The following DNMT3A variants were observed in gnomAD, a reference collection of about 807,000 sequenced individuals.
DNMT3A encodes the protein DNA methyltransferase 3 alpha, also known as DNA (cytosine-5)-methyltransferase 3A.
DNMT3A carries 267 observed loss-of-function variants against 117.6 expected under a neutral mutation model. The observed-to-expected ratio is 2.27, with a 90% confidence interval of 2.05 to 2.51. The LOEUF (loss-of-function observed/expected upper bound fraction) is 2.51, where lower values mean the gene tolerates loss of function less well. Among genes scored for constraint, DNMT3A ranks in the 30% most tolerant of loss-of-function variants. DNMT3A has a pLI of 0.00. For missense variants in DNMT3A, 1,029 were observed against 1,260.2 expected (o/e 0.82, Z 2.78); for synonymous variants, 432 against 474.8 (o/e 0.91, Z 1.17).
intron 1 of DNMT3A, among the ~76,000 whole-genome samples, chr2:25,326,356 A>T (rs1328818419): frequency 6.6e-6 from 1 of 152,180 alleles, no homozygotes; most frequent in East Asian, 1.9e-4. Flanking sequence ...TGAGAATTTC[A>T]TAAGAAGGAT....
chr2:25,286,775 A>G lies in DNMT3A; in HGVS notation c.178-4064T>C, dbSNP rs1338137007. Among the ~76,000 whole-genome samples, 1 of 152,200 alleles carries G rather than the reference A, an allele frequency of 6.6e-6. No homozygotes were observed. The highest frequency in any genetic ancestry group is 1.5e-5 in the Non-Finnish European group (1 of 68,022). On this transcript the variant is annotated intron_variant, in intron 3 of 22. Transcript: ENST00000321117. The surrounding 1 kb of genome is among the most constrained non-coding windows in gnomAD (Gnocchi z 4.3). The stretch of plus-strand genomic sequence containing the variant: ...CTCACTGAAGGAGCCATCCCTGGTG[A>G]GAAGGGCAGAAACCTCAGCCTGGAA...
intron 1 of DNMT3A, among the ~76,000 whole-genome samples, chr2:25,319,930 C>T (rs2034531701): frequency 6.6e-6 from 1 of 152,136 alleles, no homozygotes; most frequent in South Asian, 2.1e-4. Context: ...CCGCCATGCC[C>T]GGCTAATTTT....
At position 25,231,024 on chromosome 2, in the gene DNMT3A, G is replaced by T; in HGVS notation, c.*3255C>A. ...CACCAACCCTTTGGTTGGAGCACCA[G>T]GCCCAGTTCCGGTGGAGCTTGGGCC... On this transcript the variant is annotated 3_prime_UTR_variant, in exon 23 of 23. Coordinates refer to ENST00000321117, the MANE Select transcript of DNMT3A (RefSeq NM_022552.5). 6.6e-6 allele frequency: 1 copy of T among 152,290 alleles called. No homozygotes were observed. Among genetic ancestry groups the T allele is most frequent in the Non-Finnish European group, 1.5e-5 (1 of 68,092 alleles). 9.4% of individuals were successfully genotyped at this position (152,290 alleles called of 1,614,324 possible).
chr2:25,302,554 T>C (rs1347512969), intron 2 of DNMT3A, among the ~76,000 whole-genome samples: 2 of 151,830 alleles, frequency 1.3e-5, no homozygotes, highest in Non-Finnish European at 2.9e-5. Flanking sequence ...AGACGGGCGG[T>C]GAGGGCAGAA....
intron 3 of DNMT3A, among the ~76,000 whole-genome samples, chr2:25,287,596 T>A (rs891814276): frequency 6.6e-6 from 1 of 152,144 alleles, no homozygotes; most frequent in Non-Finnish European, 1.5e-5. Flanking sequence ...TGGGGCGATT[T>A]TGCTAACTCC....
At chr2:25,262,439 G>A (rs1273173938) in intron 6 of DNMT3A, among the ~76,000 whole-genome samples, 1 of 152,106 alleles carries the variant, frequency 6.6e-6, no homozygotes, top group Non-Finnish European at 1.5e-5. Context: ...AAAGTTCACT[G>A]TATCATCCTG....
intron 1 of DNMT3A, among the ~76,000 whole-genome samples, chr2:25,316,982 T>C (rs1199976838): frequency 1.3e-5 from 2 of 152,224 alleles, no homozygotes; most frequent in Non-Finnish European, 2.9e-5. Flanking sequence ...ATAAAACTGT[T>C]GTGGAAAAAG....
At chr2:25,284,586 G>T (rs1475823023) in intron 3 of DNMT3A, among the ~76,000 whole-genome samples, 1 of 134,036 alleles carries the variant, frequency 7.5e-6, no homozygotes, top group African/African-American at 2.9e-5. Flanking sequence ...GGTAGAGGTT[G>T]CAGTGAGCTG....
Position 25,241,682 on chromosome 2 carries a change from G to GC in DNMT3A, c.1961dup (p.Ile655HisfsTer13). ...AGGCAATGTAGCGGTCCACCTGAAT[G>GC]CCCAAGTCCTTCAGCACCAGGAGCC... On this transcript the variant is annotated frameshift_variant, in exon 17 of 23. Transcript: ENST00000321117. LOFTEE classifies it high-confidence loss of function. 6.2e-7 allele frequency: 1 copy of GC among 1,614,010 alleles called. No homozygotes were observed. The highest frequency in any genetic ancestry group is 8.5e-7 in the Non-Finnish European group (1 of 1,179,966).
chr2:25,234,234 G>T lies in DNMT3A; in HGVS notation c.*45C>A, dbSNP rs1311506481. ...TTATTATGTTTTGTGTTTTTTGTTT[G>T]TTTGTTTAACTTTGTGTCGCTACCT... On this transcript the variant is annotated 3_prime_UTR_variant, in exon 23 of 23. Coordinates refer to ENST00000321117, the MANE Select transcript of DNMT3A (RefSeq NM_022552.5). This position sits in a 1 kb window ranked among gnomAD's most constrained non-coding sequence, Gnocchi z 4.5. The T allele has an allele frequency of 9.6e-6, 15 of 1,562,694 alleles. No individual in the cohort carries two copies. In the Admixed American group the frequency reaches 1.3e-4, roughly 13 times the overall value.
At chr2:25,273,312 A>C (rs2031102103) in intron 6 of DNMT3A, among the ~76,000 whole-genome samples, 1 of 152,056 alleles carries the variant, frequency 6.6e-6, no homozygotes. Flanking sequence ...GGGGTTCACC[A>C]AGCTAGCCAG....
intron 1 of DNMT3A, among the ~76,000 whole-genome samples, chr2:25,321,848 C>T (rs2034610155): frequency 6.6e-6 from 1 of 152,138 alleles, no homozygotes; most frequent in South Asian, 2.1e-4. Flanking sequence ...ATTGTGCCAC[C>T]ACACTCCAGC....
At chr2:25,308,910 A>T (rs6546070) in intron 2 of DNMT3A, among the ~76,000 whole-genome samples, 1 of 151,530 alleles carries the variant, frequency 6.6e-6, no homozygotes, top group Non-Finnish European at 1.5e-5. Flanking sequence ...CCTCTGGGCC[A>T]GACTTTGATG....
chr2:25,330,210 C>G (rs1435557117), intron 1 of DNMT3A, among the ~76,000 whole-genome samples: 4 of 152,230 alleles, frequency 2.6e-5, no homozygotes, highest in African/African-American at 9.6e-5. Flanking sequence ...ATTAATTATG[C>G]TGTACATTTC....
At position 25,300,247 on chromosome 2, in the gene DNMT3A, C is replaced by G; in HGVS notation, c.73-4G>C. The G allele has an allele frequency of 6.2e-7, 1 of 1,604,768 alleles. No individual in the cohort carries two copies. Among genetic ancestry groups the G allele is most frequent in the Admixed American group, 1.7e-5 (1 of 59,982 alleles). ...GCTCCTCCTGCTCCTCTCCGTCCTG[C>G]AGGCACAGACACAGCCTGTGAGGCC... is the stretch of plus-strand genomic sequence containing the variant. On this transcript the variant is annotated splice_region_variant and splice_polypyrimidine_tract_variant and intron_variant, in intron 2 of 22. Transcript: ENST00000321117.
At position 25,235,197 on chromosome 2, in the gene DNMT3A, T is replaced by C. The variant is rs553206931; in HGVS notation, c.2597+510A>G. ...TCCTAGACTCCTCTTTTTTTTTTTT[T>C]TCCCTTTGAGATGGAATCTCTCTGT... On this transcript the variant is annotated intron_variant, in intron 22 of 22. Transcript: ENST00000321117. 3.2e-3 allele frequency among the ~76,000 whole-genome samples: 488 copies of C among 151,554 alleles called. 4 individuals are homozygous for C. Among genetic ancestry groups the C allele is most frequent in the African/African-American group, 0.011 (439 of 41,408 alleles).
chr2:25,241,978 AG>A (rs1558662066), intron 16 of DNMT3A: 1 of 468,582 alleles, frequency 2.1e-6, no homozygotes, highest in South Asian at 3.0e-5. Flanking sequence ...TCCAGGATCC[AG>A]GAAGAATCAC....
intron 1 of DNMT3A, among the ~76,000 whole-genome samples, chr2:25,331,126 G>A (rs1214026113): frequency 6.6e-6 from 1 of 152,186 alleles, no homozygotes; most frequent in Non-Finnish European, 1.5e-5. Flanking sequence ...TTTTACAGAT[G>A]GTAAAACTGA....
At position 25,240,422 on chromosome 2, in the gene DNMT3A, G is replaced by GAACTCAAAGA; in HGVS notation, c.2192_2201dup (p.Tyr735LeufsTer2). 6.2e-7 allele frequency: 1 copy of GAACTCAAAGA among 1,612,110 alleles called. No individual in the cohort carries two copies. Among genetic ancestry groups the GAACTCAAAGA allele is most frequent in the Non-Finnish European group, 8.5e-7 (1 of 1,179,092 alleles). On this transcript the variant is annotated stop_gained and frameshift_variant, in exon 19 of 23. Transcript: ENST00000321117. LOFTEE classifies it high-confidence loss of function. ...GCCGCGCATCATGCAGGAGGCGGTA[G>GAACTCAAAGA]AACTCAAAGAAGAGCCGGCCAGTGC... is the stretch of plus-strand genomic sequence containing the variant.
Sources: gnomAD v4.1 joint callset for allele counts (sites outside exome capture counted in the v4.1 genomes callset) on GRCh38, gnomAD v4.1.1 for gene constraint, Gnocchi (gnomAD v3.1) non-coding constraint, MANE v1.5 for transcripts, NCBI Gene and HGNC (gene_info 2026-07-23, HGNC 2026-07-21) for gene names.